Variants in PCDHGA10 observed in about 807,000 individuals in gnomAD.
PCDHGA10 encodes protocadherin gamma subfamily A, 10, also known as protocadherin gamma-A10.
PCDHGA10 carries 42 observed loss-of-function variants against 59.5 expected under a neutral mutation model. That is an observed-to-expected ratio of 0.71 (90% CI 0.55 to 0.91). The LOEUF (loss-of-function observed/expected upper bound fraction) is 0.91, where lower values mean the gene tolerates loss of function less well. PCDHGA10 is among the 40% of genes least tolerant of loss of function. The probability of loss-of-function intolerance (pLI) is 0.00; values close to 1 mark genes in which losing one functional copy is unlikely to be tolerated. For missense variants in PCDHGA10, 1,111 were observed against 1,198.2 expected (o/e 0.93, Z 1.07); for synonymous variants, 511 against 517.2 (o/e 0.99, Z 0.16).
chr5:141,438,591 CATATATATATAT>C lies in PCDHGA10; in HGVS notation c.2436+23014_2436+23025del, dbSNP rs946798767. ...TCTGATATACATACATACATACATACATATATATATATATATATATATATATATATATATATA... is the reference window on the plus strand; with the variant it reads ...TCTGATATACATACATACATACATACATATATATATATATATATATATATA... On this transcript the variant is annotated intron_variant, in intron 1 of 3. Coordinates refer to ENST00000398610, the MANE Select transcript of PCDHGA10 (RefSeq NM_018913.3). Among the ~76,000 whole-genome samples the C allele has an allele frequency of 1.5e-4, 11 of 75,568 alleles. No homozygotes were observed. The East Asian group carries it at 2.8e-3, about 19-fold the overall frequency. The allele number at this position is 75,568 out of a possible 152,430, so 49.6% of individuals were successfully genotyped here.
chr5:141,434,948 T>C (rs1486185815), intron 1 of PCDHGA10, among the ~76,000 whole-genome samples: 1 of 151,828 alleles, frequency 6.6e-6, no homozygotes, highest in East Asian at 1.9e-4. Flanking sequence ...ATATAATTTA[T>C]TAACAATTTA....
chr5:141,458,514 T>G (rs1338106276), intron 1 of PCDHGA10, among the ~76,000 whole-genome samples: 1 of 129,036 alleles, frequency 7.7e-6, no homozygotes, highest in African/African-American at 3.6e-5. Context: ...TGACACTTTG[T>G]TTTTTTTTTT....
chr5:141,414,408 C>A lies in PCDHGA10; in HGVS notation c.1233C>A (p.His411Gln), dbSNP rs1190630924. The change falls in exon 1 of 4, where the codon CAC becomes CAA. Residue 411 changes from histidine (H) to glutamine (Q), a missense_variant. Transcript: ENST00000398610. ...ACAGTTATTACAGATTGGTGATACACAGAGCCCTTGACAGGGAACAGGTAT... is the reference window on the plus strand; with the variant it reads ...ACAGTTATTACAGATTGGTGATACAAAGAGCCCTTGACAGGGAACAGGTAT... ...SIDSYYRLVI[H>Q]RALDREQVSS... is the part of the protein sequence containing the mutation. The A allele has an allele frequency of 6.2e-7, 1 of 1,613,752 alleles. No individual in the cohort carries two copies. The highest frequency in any genetic ancestry group is 8.5e-7 in the Non-Finnish European group (1 of 1,179,862).
chr5:141,454,628 AC>A (rs1272822911), intron 1 of PCDHGA10, among the ~76,000 whole-genome samples: 2 of 151,334 alleles, frequency 1.3e-5, no homozygotes, highest in Non-Finnish European at 2.9e-5. Context: ...CTGGTCTCGA[AC>A]CCCCAACCTC....
chr5:141,438,386 T>C (rs757664430), intron 1 of PCDHGA10, among the ~76,000 whole-genome samples: 1 of 151,778 alleles, frequency 6.6e-6, no homozygotes, highest in Admixed American at 6.6e-5. Flanking sequence ...AATTTCTTAG[T>C]TCATCATTAA....
At chr5:141,463,460 T>TA (rs1554144871) in intron 1 of PCDHGA10, among the ~76,000 whole-genome samples, 2 of 136,122 alleles carry the variant, frequency 1.5e-5, no homozygotes, top group Non-Finnish European at 3.1e-5. Context: ...TTTTTTTTTT[T>TA]TTTTTTGAGA....
At chr5:141,461,821 T>A (rs569091880) in intron 1 of PCDHGA10, among the ~76,000 whole-genome samples, 1 of 151,286 alleles carries the variant, frequency 6.6e-6, no homozygotes, top group South Asian at 2.1e-4. Context: ...ACCCAGCTAA[T>A]TTTTTTTTCT....
chr5:141,472,954 C>A (rs2099305799), intron 1 of PCDHGA10, among the ~76,000 whole-genome samples: 1 of 143,370 alleles, frequency 7.0e-6, no homozygotes, highest in Admixed American at 7.3e-5. Flanking sequence ...CCATTGCACT[C>A]CAGCCTGGGG....
Position 141,417,626 on chromosome 5 carries a change from T to C in PCDHGA10, c.2436+2015T>C, listed in dbSNP as rs1156653216. ...CCGTCGGCCAGTGCAGAGCAAGCGC[T>C]GACGCCGGGGATCCCTCAGCCTCTA... On this transcript the variant is annotated intron_variant, in intron 1 of 3. Coordinates refer to ENST00000398610, the MANE Select transcript of PCDHGA10 (RefSeq NM_018913.3). The C allele has an allele frequency of 4.4e-6, 3 of 689,458 alleles. No homozygotes were observed. In the African/African-American group the frequency reaches 5.4e-5, roughly 12 times the overall value. The allele number at this position is 689,458 out of a possible 1,614,324, so 42.7% of individuals were successfully genotyped here. A position where few individuals can be genotyped will look rare whatever the true frequency, so the allele number is the denominator to read the frequency against.
chr5:141,462,471 C>T (rs1464947091), intron 1 of PCDHGA10, among the ~76,000 whole-genome samples: 1 of 152,020 alleles, frequency 6.6e-6, no homozygotes, highest in East Asian at 1.9e-4. Context: ...GTGTATTCTG[C>T]TTCTCGTGGT....
At chr5:141,428,187 C>G in intron 1 of PCDHGA10, 3 of 1,439,502 alleles carry the variant, frequency 2.1e-6, no homozygotes, top group South Asian at 1.2e-5. Flanking sequence ...GGACAGCCGC[C>G]GCTCTCTGCG....
rs149553852 is a variant in PCDHGA10 at position 141,415,009 on chromosome 5, C to T, written c.1834C>T (p.Leu612=). Residue 612 remains leucine (L), a synonymous_variant, in exon 1 of 4, where the codon CTG becomes TTG. Coordinates refer to ENST00000398610, the MANE Select transcript of PCDHGA10 (RefSeq NM_018913.3). ...SGQNAWLSYR[L]LKASEPGLFA... ...CCAGAACGCCTGGCTGTCCTACCGT[C>T]TGCTCAAGGCCAGCGAGCCGGGACT... 1.9e-3 allele frequency: 3,040 copies of T among 1,613,658 alleles called. 49 individuals are homozygous for T. In the African/African-American group the frequency reaches 0.033, roughly 18 times the overall value.
chr5:141,419,013 G>A, intron 1 of PCDHGA10: 2 of 1,613,958 alleles, frequency 1.2e-6, no homozygotes, highest in South Asian at 2.2e-5. Flanking sequence ...GTCAGGTGTA[G>A]CTTAAGTAGA....
chr5:141,475,202 G>T (rs746895166), intron 1 of PCDHGA10, among the ~76,000 whole-genome samples: 38 of 152,086 alleles, frequency 2.5e-4, no homozygotes, highest in Non-Finnish European at 5.3e-4. Context: ...CAAGATCTTG[G>T]GAAAAGGATT....
chr5:141,422,194 C>A, intron 1 of PCDHGA10: 1 of 1,562,366 alleles, frequency 6.4e-7, no homozygotes, highest in South Asian at 1.2e-5. Flanking sequence ...AATTCAAGGC[C>A]AAGATGGTGG....
rs2099692814 is a variant in PCDHGA10 at position 141,489,840 on chromosome 5, G to A, written c.2437-4967G>A. 6.2e-7 allele frequency: 1 copy of A among 1,614,190 alleles called. No individual in the cohort carries two copies. The highest frequency in any genetic ancestry group is 8.5e-7 in the Non-Finnish European group (1 of 1,179,990). On this transcript the variant is annotated intron_variant, in intron 1 of 3. Coordinates refer to ENST00000398610, the MANE Select transcript of PCDHGA10 (RefSeq NM_018913.3). The surrounding 1 kb of genome is among the most constrained non-coding windows in gnomAD (Gnocchi z 4.5). ...CAGAGCTGGTGCTAGAGCAGCAGCT[G>A]GATCGTGAAGCCCAGGCAAGACATC... is the stretch of plus-strand genomic sequence containing the variant.
chr5:141,454,779 A>G (rs1387404898), intron 1 of PCDHGA10, among the ~76,000 whole-genome samples: 2 of 146,092 alleles, frequency 1.4e-5, no homozygotes, highest in African/African-American at 2.6e-5. Context: ...ACAAGGAAAT[A>G]ATCCTCCATG....
chr5:141,461,648 A>G (rs910827619), intron 1 of PCDHGA10, among the ~76,000 whole-genome samples: 2 of 152,070 alleles, frequency 1.3e-5, no homozygotes, highest in South Asian at 2.1e-4. Context: ...TCTTTGACCC[A>G]TGGATTATTT....
At chr5:141,418,693 T>C (rs989725231) in intron 1 of PCDHGA10, 1 of 1,613,922 alleles carries the variant, frequency 6.2e-7, no homozygotes, top group South Asian at 1.1e-5. Context: ...CAGAGATCAC[T>C]TATTCCTTCT....
Sources: gnomAD v4.1 joint callset for allele counts (sites outside exome capture counted in the v4.1 genomes callset) on GRCh38, gnomAD v4.1.1 for gene constraint, Gnocchi (gnomAD v3.1) non-coding constraint, MANE v1.5 for transcripts, NCBI Gene and HGNC (gene_info 2026-07-23, HGNC 2026-07-21) for gene names.